The following LRRC4C variants were observed in gnomAD, a reference collection of about 807,000 sequenced individuals.
LRRC4C encodes the protein leucine-rich repeat-containing protein 4C.
In LRRC4C, 5 loss-of-function variants were observed where a neutral mutation model predicts 33.6. The observed-to-expected ratio is 0.15, with a 90% CI of 0.08 to 0.31. LRRC4C has a LOEUF of 0.31. Among genes scored for constraint, LRRC4C ranks in the 10% least tolerant of loss-of-function variants. LRRC4C has a pLI of 1.00. For synonymous variants in LRRC4C, 329 were observed against 302.0 expected (o/e 1.09, Z -0.93); for missense variants, 560 against 796.7 (o/e 0.70, Z 3.58).
intron 3 of LRRC4C, among the ~76,000 whole-genome samples, chr11:40,498,373 C>T (rs574612529): frequency 1.3e-5 from 2 of 152,322 alleles, no homozygotes; most frequent in African/African-American, 4.8e-5. Context: ...ACTGCTCCCA[C>T]TGCCACTGAT....
chr11:40,344,245 A>G (rs1204231942), intron 3 of LRRC4C, among the ~76,000 whole-genome samples: 3 of 152,150 alleles, frequency 2.0e-5, no homozygotes, highest in Non-Finnish European at 4.4e-5. Context: ...ACATGCAAAA[A>G]TCATCAACAA....
At chr11:41,182,731 A>T (rs916901294) in intron 1 of LRRC4C, among the ~76,000 whole-genome samples, 1 of 152,070 alleles carries the variant, frequency 6.6e-6, no homozygotes, top group Non-Finnish European at 1.5e-5. Context: ...CTGTTCAATT[A>T]TCTAATAACT....
chr11:41,238,393 T>C (rs1044329876), intron 1 of LRRC4C, among the ~76,000 whole-genome samples: 1 of 152,196 alleles, frequency 6.6e-6, no homozygotes, highest in Non-Finnish European at 1.5e-5. Flanking sequence ...TAACATATTA[T>C]AATTGATACT....
intron 2 of LRRC4C, among the ~76,000 whole-genome samples, chr11:40,779,906 T>C (rs1482539637): frequency 6.6e-6 from 1 of 152,152 alleles, no homozygotes; most frequent in African/African-American, 2.4e-5. Context: ...GAATAAGATA[T>C]AAATGGTTGT....
chr11:41,286,452 A>G (rs1216733884), intron 1 of LRRC4C, among the ~76,000 whole-genome samples: 1 of 152,214 alleles, frequency 6.6e-6, no homozygotes, highest in East Asian at 1.9e-4. Flanking sequence ...AACCCAGCAC[A>G]GAGAACCAAG....
intron 3 of LRRC4C, among the ~76,000 whole-genome samples, chr11:40,466,907 A>T (rs1952679220): frequency 6.6e-6 from 1 of 152,088 alleles, no homozygotes; most frequent in Non-Finnish European, 1.5e-5. Flanking sequence ...ATAGGTCTTG[A>T]TCGCTCATGT....
intron 1 of LRRC4C, among the ~76,000 whole-genome samples, chr11:41,020,575 A>G (rs927258555): frequency 2.0e-5 from 3 of 152,132 alleles, no homozygotes; most frequent in African/African-American, 7.2e-5. Context: ...CTGCAAGTCA[A>G]GGAATGGCAA....
chr11:40,809,054 T>C (rs533053800), intron 2 of LRRC4C, among the ~76,000 whole-genome samples: 16 of 152,286 alleles, frequency 1.1e-4, no homozygotes, highest in South Asian at 4.1e-4. Flanking sequence ...TTCCCATCAG[T>C]GTACAAACAT....
intron 3 of LRRC4C, among the ~76,000 whole-genome samples, chr11:40,621,849 A>T (rs1364607356): frequency 6.6e-6 from 1 of 151,856 alleles, no homozygotes. Context: ...TAACCAATAT[A>T]ACAACTTTAT....
intron 1 of LRRC4C, among the ~76,000 whole-genome samples, chr11:41,458,005 A>AAT (rs145119087): frequency 6.3e-4 from 95 of 151,996 alleles, no homozygotes; most frequent in Middle Eastern, 3.4e-3. Flanking sequence ...TTTAAAAACA[A>AAT]ATATATATAT....
chr11:40,787,271 A>C, intron 2 of LRRC4C, among the ~76,000 whole-genome samples: 1 of 150,474 alleles, frequency 6.6e-6, no homozygotes. Flanking sequence ...TGGGGGGGGT[A>C]GGGGGAGGAA....
intron 3 of LRRC4C, among the ~76,000 whole-genome samples, chr11:40,572,082 C>T (rs1321326001): frequency 3.3e-5 from 5 of 152,150 alleles, no homozygotes; most frequent in African/African-American, 4.8e-5. Context: ...ATCGGTCCTA[C>T]ATTATAGGAA....
rs1267575229 is a variant in LRRC4C at position 41,165,875 on chromosome 11, CAA to C, written c.-495-232154_-495-232153del. ...TGAAACCCCATCTCTACTAAAAATACAAAAAAATAGCTGGGCATGGTGGTGGG... is the reference window on the plus strand; with the variant it reads ...TGAAACCCCATCTCTACTAAAAATACAAAAATAGCTGGGCATGGTGGTGGG... On this transcript the variant is annotated intron_variant, in intron 1 of 6. Transcript: ENST00000528697. 8.6e-5 allele frequency among the ~76,000 whole-genome samples: 13 copies of C among 151,876 alleles called. No homozygotes were observed. The East Asian group carries it at 2.3e-3, about 27-fold the overall frequency.
chr11:40,750,416 A>C (rs1948625522), intron 2 of LRRC4C, among the ~76,000 whole-genome samples: 1 of 152,062 alleles, frequency 6.6e-6, no homozygotes, highest in Non-Finnish European at 1.5e-5. Flanking sequence ...GAAAACTAAC[A>C]ATGATAGACT....
At chr11:40,915,647 A>G (rs925192266) in intron 2 of LRRC4C, among the ~76,000 whole-genome samples, 2 of 152,248 alleles carry the variant, frequency 1.3e-5, no homozygotes, top group African/African-American at 4.8e-5. Context: ...CAAGGACTTC[A>G]TGTCTAAAAC....
chr11:40,301,611 C>A (rs1944777182), intron 4 of LRRC4C, among the ~76,000 whole-genome samples: 1 of 152,056 alleles, frequency 6.6e-6, no homozygotes, highest in African/African-American at 2.4e-5. Context: ...CACCGCATTA[C>A]TATTGTGCTT....
intron 2 of LRRC4C, among the ~76,000 whole-genome samples, chr11:40,819,417 C>G (rs145902319): frequency 3.3e-5 from 5 of 152,134 alleles, no homozygotes; most frequent in African/African-American, 1.2e-4. Context: ...CCCACTTCCA[C>G]CACTGGATGG....
At chr11:41,433,563 A>G (rs1027561929) in intron 1 of LRRC4C, among the ~76,000 whole-genome samples, 1 of 152,142 alleles carries the variant, frequency 6.6e-6, no homozygotes, top group African/African-American at 2.4e-5. Flanking sequence ...CTGGGTGGGC[A>G]CCATCTAATC....
In LRRC4C at chr11:40,766,728, A is replaced by G. The variant is rs546134461; in HGVS notation, c.-406-118450T>C. ...CATCATTTTTTTAATTAAAGGCTTT[A>G]AGATATTTTCTGCAAACCTCATGGT... On this transcript the variant is annotated intron_variant, in intron 2 of 6. Transcript: ENST00000528697. Among the ~76,000 whole-genome samples the G allele has an allele frequency of 3.8e-4, 58 of 152,232 alleles. 1 individual carries two copies. In the South Asian group the frequency reaches 0.011, roughly 30 times the overall value.
Sources: gnomAD v4.1 joint callset for allele counts (sites outside exome capture counted in the v4.1 genomes callset) on GRCh38, gnomAD v4.1.1 for gene constraint, MANE v1.5 for transcripts, NCBI Gene and HGNC (gene_info 2026-07-23, HGNC 2026-07-21) for gene names.